Variants in UBE2R2 observed in about 807,000 individuals in gnomAD.
UBE2R2 encodes ubiquitin conjugating enzyme E2 R2, also known as ubiquitin-conjugating enzyme E2 R2.
Under a neutral mutation model 27.8 loss-of-function variants are expected in UBE2R2, and 1 was observed. That is an observed-to-expected ratio of 0.04 (90% CI 0.01 to 0.17). The LOEUF is 0.17. Ranked by LOEUF, UBE2R2 falls within the 10% of genes least tolerant of loss-of-function variation. UBE2R2 has a pLI of 1.00. For missense variants in UBE2R2, 100 were observed against 291.0 expected, an observed-to-expected ratio of 0.34 and a Z score of 4.78; for synonymous variants, 106 against 113.3, an observed-to-expected ratio of 0.94 and a Z score of 0.41.
At chr9:33,854,337 G>A (rs539083879) in intron 1 of UBE2R2, among the ~76,000 whole-genome samples, 10 of 147,312 alleles carry the variant, frequency 6.8e-5, no homozygotes, top group African/African-American at 1.3e-4. Flanking sequence ...TTTTTTTTTC[G>A]AGACGGCGTT....
At chr9:33,834,473 A>G (rs766485320) in intron 1 of UBE2R2, among the ~76,000 whole-genome samples, 1 of 151,864 alleles carries the variant, frequency 6.6e-6, no homozygotes, top group South Asian at 2.1e-4. Context: ...TGGCCTCCCA[A>G]AGTGTTGGGA....
chr9:33,907,102 T>C (rs1046754677), intron 3 of UBE2R2, among the ~76,000 whole-genome samples: 2 of 152,268 alleles, frequency 1.3e-5, no homozygotes, highest in Non-Finnish European at 2.9e-5. Flanking sequence ...GTCTGCAATA[T>C]ATATTATATA....
At position 33,896,606 on chromosome 9, in the gene UBE2R2, A is replaced by AT. The variant is rs60575205; in HGVS notation, c.265-3553dup. ...TACCGGCGCTGTGTCATGACTGGCTATTTTTTTTTTTTTTTGTATTTTTAG... is the reference window on the plus strand; with the variant it reads ...TACCGGCGCTGTGTCATGACTGGCTATTTTTTTTTTTTTTTTGTATTTTTAG... On this transcript the variant is annotated intron_variant, in intron 2 of 4. Coordinates refer to ENST00000263228, the MANE Select transcript of UBE2R2 (RefSeq NM_017811.4). Among the ~76,000 whole-genome samples the AT allele has an allele frequency of 8.4e-3, 1,177 of 139,496 alleles. 9 individuals carry two copies. The highest frequency in any genetic ancestry group is 0.032 in the Admixed American group (442 of 13,900). 91.5% of individuals were successfully genotyped at this position (139,496 alleles called of 152,430 possible).
At chr9:33,884,059 G>A (rs974067299) in intron 1 of UBE2R2, among the ~76,000 whole-genome samples, 3 of 152,048 alleles carry the variant, frequency 2.0e-5, no homozygotes, top group Non-Finnish European at 4.4e-5. Context: ...TCAGGTGGCT[G>A]AGGTGGGTGA....
chr9:33,864,869 C>T (rs1298125004), intron 1 of UBE2R2, among the ~76,000 whole-genome samples: 2 of 152,040 alleles, frequency 1.3e-5, no homozygotes, highest in East Asian at 1.9e-4. Flanking sequence ...GGATTACAGG[C>T]GTGTGCCACC....
At chr9:33,819,710 C>T (rs1207563268) in intron 1 of UBE2R2, among the ~76,000 whole-genome samples, 1 of 152,130 alleles carries the variant, frequency 6.6e-6, no homozygotes, top group Non-Finnish European at 1.5e-5. Context: ...GCGATCTCGC[C>T]TCACTGCAAC....
Position 33,844,451 on chromosome 9 carries a change from G to A in UBE2R2, c.177+26517G>A, listed in dbSNP as rs561134934. ...ACTCCTGACTTCAGATGATCCGCCCGACTCAGCCTCCCAAAGTGCTGGGAT... is the reference window on the plus strand; with the variant it reads ...ACTCCTGACTTCAGATGATCCGCCCAACTCAGCCTCCCAAAGTGCTGGGAT... On this transcript the variant is annotated intron_variant, in intron 1 of 4. Coordinates refer to ENST00000263228, the MANE Select transcript of UBE2R2 (RefSeq NM_017811.4). 7.5e-4 allele frequency among the ~76,000 whole-genome samples: 113 copies of A among 150,364 alleles called. 2 individuals carry two copies. The South Asian group carries it at 0.022, about 29-fold the overall frequency.
intron 1 of UBE2R2, among the ~76,000 whole-genome samples, chr9:33,830,169 T>C (rs1470031923): frequency 6.6e-6 from 1 of 150,880 alleles, no homozygotes; most frequent in African/African-American, 2.4e-5. Context: ...TTTTTTTTTT[T>C]TTTTTTGAGA....
At chr9:33,829,799 T>TG (rs1381175033) in intron 1 of UBE2R2, among the ~76,000 whole-genome samples, 1 of 150,210 alleles carries the variant, frequency 6.7e-6, no homozygotes, top group Non-Finnish European at 1.5e-5. Context: ...AATCGTTTTT[T>TG]TTTTTTTTTT....
chr9:33,911,619 T>C (rs1465049348), intron 3 of UBE2R2, among the ~76,000 whole-genome samples: 2 of 152,074 alleles, frequency 1.3e-5, no homozygotes, highest in Non-Finnish European at 2.9e-5. Flanking sequence ...AAACAGGGCC[T>C]TCTATCAAGT....
At chr9:33,864,691 A>C (rs1821320287) in intron 1 of UBE2R2, among the ~76,000 whole-genome samples, 1 of 150,924 alleles carries the variant, frequency 6.6e-6, no homozygotes, top group South Asian at 2.1e-4. Context: ...CTGGGACTGC[A>C]GGCCTGCCAC....
chr9:33,897,515 A>G (rs951336827), intron 2 of UBE2R2, among the ~76,000 whole-genome samples: 1 of 150,532 alleles, frequency 6.6e-6, no homozygotes, highest in Non-Finnish European at 1.5e-5. Flanking sequence ...ATGGGGTTTC[A>G]TCATATTGGT....
At chr9:33,877,995 G>A (rs1821652841) in intron 1 of UBE2R2, among the ~76,000 whole-genome samples, 1 of 152,016 alleles carries the variant, frequency 6.6e-6, no homozygotes, top group African/African-American at 2.4e-5. Flanking sequence ...GACCTCAGGT[G>A]ATCCGCCCAC....
chr9:33,847,589 A>G (rs894296532), intron 1 of UBE2R2, among the ~76,000 whole-genome samples: 3 of 152,002 alleles, frequency 2.0e-5, no homozygotes, highest in African/African-American at 7.2e-5. Context: ...TAGAAAATTC[A>G]TAGCCATTAT....
chr9:33,852,743 G>A (rs996359181), intron 1 of UBE2R2, among the ~76,000 whole-genome samples: 5 of 152,048 alleles, frequency 3.3e-5, no homozygotes, highest in African/African-American at 1.2e-4. Context: ...GTATGGGGCC[G>A]GGTGCAGTGG....
chr9:33,818,218 C>G (rs1825867284), intron 1 of UBE2R2, among the ~76,000 whole-genome samples: 1 of 152,058 alleles, frequency 6.6e-6, no homozygotes, highest in Non-Finnish European at 1.5e-5. Flanking sequence ...GAGGAGGCCG[C>G]CTTTGTTTCC....
chr9:33,869,761 T>G (rs1356251786), intron 1 of UBE2R2, among the ~76,000 whole-genome samples: 4 of 152,132 alleles, frequency 2.6e-5, no homozygotes, highest in African/African-American at 9.7e-5. Context: ...GGACATAATG[T>G]TTTTTAATGA....
intron 1 of UBE2R2, among the ~76,000 whole-genome samples, chr9:33,844,782 T>C (rs946389007): frequency 8.5e-5 from 13 of 152,088 alleles, no homozygotes; most frequent in Non-Finnish European, 2.9e-5. Context: ...TTTTTTTCTT[T>C]TTCTGAGACA....
At chr9:33,896,953 G>GT (rs35702790) in intron 2 of UBE2R2, among the ~76,000 whole-genome samples, 3,668 of 128,116 alleles carry the variant, frequency 0.029, 100 homozygotes, top group African/African-American at 0.07. Flanking sequence ...TGTTTTTTGT[G>GT]TTTTTTTTTT....
Sources: gnomAD v4.1 joint callset for allele counts (sites outside exome capture counted in the v4.1 genomes callset) on GRCh38, gnomAD v4.1.1 for gene constraint, MANE v1.5 for transcripts, NCBI Gene and HGNC (gene_info 2026-07-23, HGNC 2026-07-21) for gene names.